The following CDH13 variants were observed in gnomAD, a reference collection of about 807,000 sequenced individuals.
CDH13 encodes the protein cadherin-13.
In CDH13, 24 loss-of-function variants were observed where a neutral mutation model predicts 63.8. That is an observed-to-expected ratio of 0.38 (90% CI 0.27 to 0.53). The LOEUF is 0.53. Ranked by LOEUF, CDH13 falls within the 20% of genes least tolerant of loss-of-function variation. The probability of loss-of-function intolerance (pLI) is 0.85; values close to 1 mark genes in which losing one functional copy is unlikely to be tolerated. For synonymous variants in CDH13, 503 were observed against 355.3 expected (o/e 1.42, Z -4.67); for missense variants, 1,049 against 903.1 (o/e 1.16, Z -2.07).
chr16:82,738,761 ACT>A, intron 1 of CDH13, among the ~76,000 whole-genome samples: 2 of 151,788 alleles, frequency 1.3e-5, no homozygotes, highest in East Asian at 3.9e-4. Flanking sequence ...GTAGGCATTA[ACT>A]CTCTATGCCC....
intron 10 of CDH13, among the ~76,000 whole-genome samples, chr16:83,715,188 G>C (rs986993516): frequency 6.6e-6 from 1 of 152,188 alleles, no homozygotes; most frequent in Admixed American, 6.5e-5. Context: ...TAAATATTAA[G>C]CTCTGTGTAA....
intron 4 of CDH13, among the ~76,000 whole-genome samples, chr16:83,147,519 C>T (rs1487491605): frequency 6.6e-6 from 1 of 152,220 alleles, no homozygotes; most frequent in Admixed American, 6.5e-5. Flanking sequence ...GCCCCTGCCA[C>T]TTCCTCCTTT....
intron 2 of CDH13, among the ~76,000 whole-genome samples, chr16:82,915,925 T>C (rs2041973846): frequency 1.3e-5 from 2 of 151,266 alleles, no homozygotes; most frequent in Admixed American, 1.3e-4. Flanking sequence ...ATGTCTGAAT[T>C]ATAGCAGAAC....
chr16:82,911,084 T>A (rs1197721908), intron 2 of CDH13, among the ~76,000 whole-genome samples: 2 of 152,140 alleles, frequency 1.3e-5, no homozygotes, highest in African/African-American at 4.8e-5. Context: ...CGATGGTGAG[T>A]CCCTAGATCG....
chr16:83,308,436 C>A (rs1201592537), intron 5 of CDH13, among the ~76,000 whole-genome samples: 1 of 152,310 alleles, frequency 6.6e-6, no homozygotes, highest in East Asian at 1.9e-4. Context: ...TTCTAATATT[C>A]TCAGAAGATC....
intron 6 of CDH13, among the ~76,000 whole-genome samples, chr16:83,386,420 T>A (rs2091676180): frequency 6.6e-6 from 1 of 152,172 alleles, no homozygotes; most frequent in Admixed American, 6.5e-5. Context: ...AGCTGAGACT[T>A]GATAGTAAAA....
chr16:83,648,882 T>C (rs1300215130), intron 8 of CDH13, among the ~76,000 whole-genome samples: 1 of 152,120 alleles, frequency 6.6e-6, no homozygotes, highest in African/African-American at 2.4e-5. Flanking sequence ...TTTTTGCATA[T>C]GTAGCTGTGT....
intron 3 of CDH13, among the ~76,000 whole-genome samples, chr16:83,079,652 C>T (rs1434368260): frequency 6.6e-6 from 1 of 152,170 alleles, no homozygotes; most frequent in Non-Finnish European, 1.5e-5. Context: ...TCCTTGCTGC[C>T]TACACTCATA....
chr16:82,760,101 A>T (rs556360276), intron 1 of CDH13, among the ~76,000 whole-genome samples: 2 of 152,322 alleles, frequency 1.3e-5, no homozygotes, highest in African/African-American at 4.8e-5. Context: ...ATTTTATTGC[A>T]CAATTTTCCT....
chr16:83,530,858 G>C (rs1365539784), intron 7 of CDH13, among the ~76,000 whole-genome samples: 1 of 152,166 alleles, frequency 6.6e-6, no homozygotes, highest in African/African-American at 2.4e-5. Context: ...GAACCCATCA[G>C]GCAGGCGGTC....
chr16:82,838,016 G>A (rs1020950038), intron 1 of CDH13, among the ~76,000 whole-genome samples: 6 of 152,234 alleles, frequency 3.9e-5, no homozygotes, highest in African/African-American at 1.4e-4. Context: ...CTAACTCTCT[G>A]GCTTCATCCC....
At chr16:82,885,382 C>G (rs980540848) in intron 2 of CDH13, among the ~76,000 whole-genome samples, 9 of 152,006 alleles carry the variant, frequency 5.9e-5, no homozygotes, top group Non-Finnish European at 1.0e-4. Context: ...ATCTATCCAC[C>G]TATCCATTCT....
intron 2 of CDH13, among the ~76,000 whole-genome samples, chr16:82,919,206 C>G (rs1026034949): frequency 1.3e-5 from 2 of 152,010 alleles, no homozygotes; most frequent in Non-Finnish European, 2.9e-5. Flanking sequence ...GGCATCTTTA[C>G]TTTTTAAACT....
At chr16:83,483,637 A>C (rs971284842) in intron 6 of CDH13, among the ~76,000 whole-genome samples, 1 of 152,162 alleles carries the variant, frequency 6.6e-6, no homozygotes, top group Non-Finnish European at 1.5e-5. Context: ...CCCTGGGTCA[A>C]GTGTACTTAA....
At chr16:83,772,407 C>T (rs1452308976) in intron 11 of CDH13, among the ~76,000 whole-genome samples, 1 of 152,158 alleles carries the variant, frequency 6.6e-6, no homozygotes. Flanking sequence ...ATTCTTAGAA[C>T]ACTGGACATC....
At chr16:83,760,905 G>T (rs1481706553) in intron 11 of CDH13, among the ~76,000 whole-genome samples, 2 of 152,218 alleles carry the variant, frequency 1.3e-5, no homozygotes, top group African/African-American at 4.8e-5. Context: ...GGCAATCCCT[G>T]TTTGCTGATG....
chr16:83,064,095 G>A (rs955322763), intron 3 of CDH13, among the ~76,000 whole-genome samples: 7 of 152,178 alleles, frequency 4.6e-5, no homozygotes, highest in African/African-American at 1.7e-4. Context: ...TGAGGGCCAG[G>A]TGCGGTGGCT....
intron 10 of CDH13, among the ~76,000 whole-genome samples, chr16:83,711,594 C>A (rs1405182631): frequency 1.3e-5 from 2 of 152,216 alleles, no homozygotes; most frequent in Non-Finnish European, 2.9e-5. Flanking sequence ...TGACTCACCA[C>A]AACCTCTGCC....
Position 83,643,283 on chromosome 16 carries a change from T to TAA in CDH13, c.1102-27490_1102-27489dup, listed in dbSNP as rs1195185794. 5.2e-4 allele frequency among the ~76,000 whole-genome samples: 49 copies of TAA among 93,872 alleles called. 2 individuals carry two copies. The highest frequency in any genetic ancestry group is 8.4e-4 in the Non-Finnish European group (41 of 48,996). 61.6% of individuals were successfully genotyped at this position (93,872 alleles called of 152,430 possible). ...ATGTACCCTATAACTTAGAGTATAA[T>TAA]AAAAAAAAAAAAAAAAAAGAAAAAA... On this transcript the variant is annotated intron_variant, in intron 8 of 13. Transcript: ENST00000567109.
Sources: gnomAD v4.1 joint callset for allele counts (sites outside exome capture counted in the v4.1 genomes callset) on GRCh38, gnomAD v4.1.1 for gene constraint, MANE v1.5 for transcripts, NCBI Gene and HGNC (gene_info 2026-07-23, HGNC 2026-07-21) for gene names.